Variants in COX7B2 observed in about 807,000 individuals in gnomAD.
COX7B2 encodes the protein cytochrome c oxidase subunit 7B2, mitochondrial.
For synonymous variants in COX7B2, 37 were observed against 32.1 expected (o/e 1.15, Z -0.51); for missense variants, 109 against 95.9 (o/e 1.14, Z -0.57).
intron 2 of COX7B2, among the ~76,000 whole-genome samples, chr4:46,835,089 G>A (rs1374536427): frequency 6.6e-6 from 1 of 152,012 alleles, no homozygotes; most frequent in Non-Finnish European, 1.5e-5. Flanking sequence ...GTTTGATAAA[G>A]ACTCAAAAAC....
At chr4:46,895,000 T>C (rs149134845) in intron 1 of COX7B2, among the ~76,000 whole-genome samples, 2 of 152,190 alleles carry the variant, frequency 1.3e-5, no homozygotes, top group South Asian at 2.1e-4. Context: ...GGTGAGGTTA[T>C]TGAGCAATTG....
At chr4:46,824,558 C>T (rs1560404254) in intron 2 of COX7B2, among the ~76,000 whole-genome samples, 1 of 151,048 alleles carries the variant, frequency 6.6e-6, no homozygotes, top group East Asian at 1.9e-4. Flanking sequence ...CAAAAAAACA[C>T]TTAATCATTT....
At chr4:46,874,454 G>A (rs1718193909) in intron 1 of COX7B2, among the ~76,000 whole-genome samples, 1 of 152,026 alleles carries the variant, frequency 6.6e-6, no homozygotes, top group Admixed American at 6.6e-5. Flanking sequence ...CATCTAATGT[G>A]CAAAACAAAA....
intron 2 of COX7B2, among the ~76,000 whole-genome samples, chr4:46,773,117 C>T (rs1350628570): frequency 6.6e-6 from 1 of 152,080 alleles, no homozygotes; most frequent in Non-Finnish European, 1.5e-5. Flanking sequence ...TATTTTTTAA[C>T]TGATTTTATG....
chr4:46,868,131 T>A (rs773968971), intron 1 of COX7B2, among the ~76,000 whole-genome samples: 30 of 152,156 alleles, frequency 2.0e-4, no homozygotes, highest in Non-Finnish European at 3.8e-4. Context: ...CTATAATTTA[T>A]CCACATATTC....
At chr4:46,842,475 TG>T (rs1715995453) in intron 2 of COX7B2, among the ~76,000 whole-genome samples, 1 of 152,084 alleles carries the variant, frequency 6.6e-6, no homozygotes, top group Non-Finnish European at 1.5e-5. Context: ...TATGTATACA[TG>T]TGCCATGCTG....
chr4:46,900,121 A>G (rs1719994888), intron 1 of COX7B2, among the ~76,000 whole-genome samples: 1 of 152,178 alleles, frequency 6.6e-6, no homozygotes, highest in South Asian at 2.1e-4. Context: ...AGCTCTCCCA[A>G]AATCAAAAGG....
At chr4:46,751,175 A>C (rs1375799620) in intron 2 of COX7B2, among the ~76,000 whole-genome samples, 2 of 152,042 alleles carry the variant, frequency 1.3e-5, no homozygotes, top group Non-Finnish European at 2.9e-5. Context: ...TCACATAGTC[A>C]ATTCCAACTC....
chr4:46,831,210 C>G (rs1056241165), intron 2 of COX7B2, among the ~76,000 whole-genome samples: 1 of 152,126 alleles, frequency 6.6e-6, no homozygotes, highest in Non-Finnish European at 1.5e-5. Flanking sequence ...TGGGCCGGGT[C>G]CCCCAGCAGT....
chr4:46,816,768 C>T (rs1719574799), intron 2 of COX7B2, among the ~76,000 whole-genome samples: 1 of 152,108 alleles, frequency 6.6e-6, no homozygotes, highest in Non-Finnish European at 1.5e-5. Context: ...GATAGGTTTT[C>T]ACTATAGCTG....
At chr4:46,744,799 G>A (rs1376435321) in intron 2 of COX7B2, among the ~76,000 whole-genome samples, 3 of 141,362 alleles carry the variant, frequency 2.1e-5, no homozygotes, top group Admixed American at 1.6e-4. Context: ...CTGTAGTGCA[G>A]TGGCGTAATC....
chr4:46,771,203 A>G (rs1716857717), intron 2 of COX7B2, among the ~76,000 whole-genome samples: 1 of 152,236 alleles, frequency 6.6e-6, no homozygotes, highest in African/African-American at 2.4e-5. Flanking sequence ...TAACGCGTGT[A>G]TGGAAAAATT....
intron 2 of COX7B2, among the ~76,000 whole-genome samples, chr4:46,737,886 A>G (rs1714458461): frequency 6.6e-6 from 1 of 152,136 alleles, no homozygotes; most frequent in South Asian, 2.1e-4. Flanking sequence ...GTTCTCTTTT[A>G]TTTCCTACCA....
At chr4:46,881,715 AAAT>A (rs916614343) in intron 1 of COX7B2, among the ~76,000 whole-genome samples, 14 of 151,942 alleles carry the variant, frequency 9.2e-5, no homozygotes, top group Non-Finnish European at 1.3e-4. Flanking sequence ...GATCCATCTC[AAAT>A]AATAATAATA....
intron 1 of COX7B2, among the ~76,000 whole-genome samples, chr4:46,892,257 A>T (rs1028726972): frequency 6.6e-6 from 1 of 152,190 alleles, no homozygotes; most frequent in Non-Finnish European, 1.5e-5. Flanking sequence ...TATTACACTA[A>T]TTGTTTATTC....
intron 1 of COX7B2, among the ~76,000 whole-genome samples, chr4:46,848,060 A>G (rs948934172): frequency 5.9e-5 from 9 of 151,896 alleles, no homozygotes; most frequent in African/African-American, 2.2e-4. Context: ...CTGATTTATC[A>G]CAGATGAATT....
intron 2 of COX7B2, among the ~76,000 whole-genome samples, chr4:46,781,946 G>A (rs371927502): frequency 3.7e-4 from 57 of 152,214 alleles, no homozygotes; most frequent in African/African-American, 1.2e-3. Flanking sequence ...CCCCCATCCC[G>A]CCCGGAGGGC....
intron 2 of COX7B2, among the ~76,000 whole-genome samples, chr4:46,762,467 G>A (rs11737237): frequency 0.32 from 42,381 of 134,240 alleles, 6,810 homozygotes; most frequent in South Asian, 0.47. Context: ...TATAGTATAT[G>A]TACTATATAT....
At position 46,739,508 on chromosome 4, in the gene COX7B2, AT is replaced by A. The variant is rs1302585167; in HGVS notation, c.-49-4268del. Among the ~76,000 whole-genome samples the A allele has an allele frequency of 2.0e-5, 3 of 152,224 alleles. No individual in the cohort carries two copies. The South Asian group carries it at 6.2e-4, about 32-fold the overall frequency. ...TGTCTACTCTAAAGAAGCTTATGGTATAGTGGAGAAATAAATAATTATTGCT... is the reference window on the plus strand; with the variant it reads ...TGTCTACTCTAAAGAAGCTTATGGTAAGTGGAGAAATAAATAATTATTGCT... On this transcript the variant is annotated intron_variant, in intron 2 of 2. Coordinates refer to ENST00000355591, the MANE Select transcript of COX7B2 (RefSeq NM_130902.3).
Sources: gnomAD v4.1 joint callset for allele counts (sites outside exome capture counted in the v4.1 genomes callset) on GRCh38, gnomAD v4.1.1 for gene constraint, MANE v1.5 for transcripts, NCBI Gene and HGNC (gene_info 2026-07-23, HGNC 2026-07-21) for gene names.